The following ADGRD1 variants were observed in gnomAD, a reference collection of about 807,000 sequenced individuals.
ADGRD1 encodes G-protein coupled receptor 133.
ADGRD1 carries 77 observed loss-of-function variants against 113.4 expected under a neutral mutation model. The ratio of observed to expected loss-of-function variants is 0.68; its 90% CI spans 0.57 to 0.82. The LOEUF is 0.82. ADGRD1 is among the 40% of genes least tolerant of loss of function. The pLI is 0.00. For synonymous variants in ADGRD1, 474 were observed against 475.0 expected (o/e 1.00, Z 0.03); for missense variants, 1,036 against 1,139.1 (o/e 0.91, Z 1.30).
intron 18 of ADGRD1, among the ~76,000 whole-genome samples, chr12:131,112,457 G>A (rs568832707): frequency 1.2e-3 from 180 of 152,264 alleles, no homozygotes; most frequent in Non-Finnish European, 2.2e-3. Flanking sequence ...CTGACCCCAG[G>A]AAGGCTCTTC....
intron 12 of ADGRD1, among the ~76,000 whole-genome samples, chr12:131,012,486 A>T (rs1878051537): frequency 6.6e-6 from 1 of 152,146 alleles, no homozygotes; most frequent in African/African-American, 2.4e-5. Context: ...GGGAACAGAC[A>T]GGGTGTTCAT....
At chr12:130,991,231 G>A (rs1302553545) in intron 7 of ADGRD1, 153 bp downstream of exon 7, 5 of 604,616 alleles carry the variant, frequency 8.3e-6, no homozygotes, top group African/African-American at 5.6e-5. Context: ...GAAGCCAACT[G>A]CAGTACTAAT....
At chr12:131,033,858 T>C (rs1241667747) in intron 13 of ADGRD1, among the ~76,000 whole-genome samples, 1 of 152,132 alleles carries the variant, frequency 6.6e-6, no homozygotes, top group Admixed American at 6.5e-5. Context: ...ACACGTGGTA[T>C]CTGCAGGATC....
intron 13 of ADGRD1, among the ~76,000 whole-genome samples, chr12:131,074,787 G>A (rs970742061): frequency 6.6e-6 from 1 of 152,168 alleles, no homozygotes; most frequent in Non-Finnish European, 1.5e-5. Flanking sequence ...ACGATGGAGG[G>A]GAGGGAGTTT....
chr12:131,037,348 C>T lies in ADGRD1; in HGVS notation c.1473+23008C>T, dbSNP rs113147421. Among the ~76,000 whole-genome samples, 631 of 89,620 alleles carry T rather than the reference C, an allele frequency of 7.0e-3. 10 individuals are homozygous for T. Among genetic ancestry groups the T allele is most frequent in the Admixed American group, 0.043 (362 of 8,500 alleles). 58.8% of individuals were successfully genotyped at this position (89,620 alleles called of 152,430 possible). On this transcript the variant is annotated intron_variant, in intron 13 of 24. Transcript: ENST00000261654. Reference sequence around the variant, plus strand: ...GGGCCTCACTCACTGCACCGGGCCTCACTCACTGCACTGGGTCTTACTCAC... The same window carrying T: ...GGGCCTCACTCACTGCACCGGGCCTTACTCACTGCACTGGGTCTTACTCAC...
At chr12:131,047,515 G>T (rs759551102) in intron 13 of ADGRD1, among the ~76,000 whole-genome samples, 3 of 152,188 alleles carry the variant, frequency 2.0e-5, no homozygotes, top group Non-Finnish European at 4.4e-5. Flanking sequence ...CAGGTCAGCA[G>T]CCTGGTGAGA....
chr12:131,008,370 T>C (rs2051075056), intron 12 of ADGRD1, among the ~76,000 whole-genome samples: 1 of 152,226 alleles, frequency 6.6e-6, no homozygotes, highest in African/African-American at 2.4e-5. Context: ...TTGTATTGTG[T>C]GCTGTCATCC....
chr12:131,088,780 G>C (rs1886688023), intron 15 of ADGRD1, among the ~76,000 whole-genome samples: 1 of 152,204 alleles, frequency 6.6e-6, no homozygotes, highest in Non-Finnish European at 1.5e-5. Context: ...AGATGACCAG[G>C]GTTGCCCCAT....
chr12:130,959,519 C>A (rs1279052934), intron 2 of ADGRD1, among the ~76,000 whole-genome samples: 2 of 152,120 alleles, frequency 1.3e-5, no homozygotes, highest in Non-Finnish European at 2.9e-5. Flanking sequence ...TGCAGTGAAC[C>A]GTGATCACAC....
At chr12:131,068,980 T>C (rs1167408236) in intron 13 of ADGRD1, among the ~76,000 whole-genome samples, 1 of 152,246 alleles carries the variant, frequency 6.6e-6, no homozygotes, top group Non-Finnish European at 1.5e-5. Flanking sequence ...GCACAGCAGC[T>C]ATATGGATTT....
chr12:130,972,083 G>A (rs1871731720), intron 4 of ADGRD1, among the ~76,000 whole-genome samples: 1 of 152,176 alleles, frequency 6.6e-6, no homozygotes, highest in South Asian at 2.1e-4. Flanking sequence ...GCAGGCTTGT[G>A]GCTAAAGTCA....
At chr12:131,085,430 G>A (rs1886390733) in intron 15 of ADGRD1, among the ~76,000 whole-genome samples, 2 of 152,174 alleles carry the variant, frequency 1.3e-5, no homozygotes, top group African/African-American at 4.8e-5. Flanking sequence ...CGGGAGGCAG[G>A]GAGGAGCAGG....
rs1352065876 is a variant in ADGRD1, at chr12:131,050,312, T to C, written c.1474-26489T>C. ...GCTGTTAGTTGGGCAGGCCAAGTAC[T>C]CTGGAGTTGCTGGAACTAAAATTTG... On this transcript the variant is annotated intron_variant, in intron 13 of 24. Transcript: ENST00000261654. The surrounding 1 kb of genome is among the most constrained non-coding windows in gnomAD (Gnocchi z 4.8). 1.3e-5 allele frequency among the ~76,000 whole-genome samples: 2 copies of C among 152,278 alleles called. No individual in the cohort carries two copies. The highest frequency in any genetic ancestry group is 1.3e-4 in the Admixed American group (2 of 15,310).
At chr12:130,998,900 T>C (rs1419492335) in intron 8 of ADGRD1, among the ~76,000 whole-genome samples, 1 of 152,206 alleles carries the variant, frequency 6.6e-6, no homozygotes, top group East Asian at 1.9e-4. Flanking sequence ...CAACTAGAGA[T>C]GTGCTGTGAG....
chr12:131,091,634 C>T (rs938669249), intron 15 of ADGRD1, among the ~76,000 whole-genome samples: 2 of 152,184 alleles, frequency 1.3e-5, no homozygotes, highest in Non-Finnish European at 2.9e-5. Flanking sequence ...TTTAAATATG[C>T]AACATTTGTA....
chr12:131,128,611 A>G (rs940724039), intron 20 of ADGRD1, among the ~76,000 whole-genome samples: 2 of 152,208 alleles, frequency 1.3e-5, no homozygotes, highest in African/African-American at 4.8e-5. Context: ...GTGTCTGCCT[A>G]TGTATGTTTT....
At chr12:131,000,319 T>C in intron 8 of ADGRD1, 64 bp from the exon 9 acceptor site, 1 of 1,268,536 alleles carries the variant, frequency 7.9e-7, no homozygotes, top group Non-Finnish European at 1.2e-6. Context: ...CGGGGAAAAC[T>C]GAAGGTCTTC....
chr12:131,063,177 G>C (rs1301201989), intron 13 of ADGRD1, among the ~76,000 whole-genome samples: 1 of 152,180 alleles, frequency 6.6e-6, no homozygotes, highest in Non-Finnish European at 1.5e-5. Context: ...TATGAGTTAT[G>C]GATCTGGATT....
chr12:131,075,965 C>T lies in ADGRD1; in HGVS notation c.1474-836C>T, dbSNP rs148916829. Among the ~76,000 whole-genome samples the T allele has an allele frequency of 5.9e-5, 9 of 152,276 alleles. No individual in the cohort carries two copies. Among genetic ancestry groups the T allele is most frequent in the South Asian group, 2.1e-4 (1 of 4,824 alleles). On this transcript the variant is annotated intron_variant, in intron 13 of 24. Transcript: ENST00000261654. This position sits in a 1 kb window ranked among gnomAD's most constrained non-coding sequence, Gnocchi z 5.3. ...CGGAGCCATGCCACCTCTGAGCAGC[C>T]CTGGGTCCTGGTGGAGTCGCTGGCC...
Sources: gnomAD v4.1 joint callset for allele counts (sites outside exome capture counted in the v4.1 genomes callset) on GRCh38, gnomAD v4.1.1 for gene constraint, Gnocchi (gnomAD v3.1) non-coding constraint, MANE v1.5 for transcripts, NCBI Gene and HGNC (gene_info 2026-07-23, HGNC 2026-07-21) for gene names.